STK32B: variants seen among roughly 807,000 people sequenced by gnomAD.
STK32B encodes serine/threonine-protein kinase 32B.
In STK32B, 43 loss-of-function variants were observed where a neutral mutation model predicts 52.6. The observed-to-expected ratio is 0.82, with a 90% CI of 0.64 to 1.05. The LOEUF is 1.05. Ranked by LOEUF, STK32B falls within the 50% of genes least tolerant of loss-of-function variation. STK32B has a pLI of 0.00. For synonymous variants in STK32B, 238 were observed against 204.3 expected, an observed-to-expected ratio of 1.17 and a Z score of -1.41; for missense variants, 621 against 534.6, an observed-to-expected ratio of 1.16 and a Z score of -1.59.
At chr4:5,199,569 G>C (rs965421671) in intron 3 of STK32B, among the ~76,000 whole-genome samples, 1 of 151,150 alleles carries the variant, frequency 6.6e-6, no homozygotes, top group African/African-American at 2.4e-5. Context: ...TGTATTCTAT[G>C]TCTTTAAATT....
At chr4:5,065,213 G>T (rs1742371357) in intron 1 of STK32B, among the ~76,000 whole-genome samples, 2 of 152,164 alleles carry the variant, frequency 1.3e-5, no homozygotes, top group African/African-American at 4.8e-5. Flanking sequence ...GTAATTCCAA[G>T]AACTGTCAAC....
At chr4:5,161,231 A>T (rs573719577) in intron 2 of STK32B, among the ~76,000 whole-genome samples, 11 of 152,324 alleles carry the variant, frequency 7.2e-5, no homozygotes, top group African/African-American at 2.6e-4. Context: ...GATCCCTCCA[A>T]TGAGACCACC....
intron 2 of STK32B, among the ~76,000 whole-genome samples, chr4:5,165,745 A>G (rs572987855): frequency 6.6e-6 from 1 of 152,288 alleles, no homozygotes; most frequent in South Asian, 2.1e-4. Context: ...TTTGCACGTC[A>G]TACCTTTGCC....
intron 3 of STK32B, among the ~76,000 whole-genome samples, chr4:5,275,612 C>T (rs187124223): frequency 1.3e-5 from 2 of 152,026 alleles, no homozygotes; most frequent in East Asian, 1.9e-4. Flanking sequence ...GATGTTGTCT[C>T]GGTGATTGCC....
chr4:5,467,945 A>C lies in STK32B; in HGVS notation c.1042-61A>C. The C allele has an allele frequency of 6.3e-7, 1 of 1,589,700 alleles. No individual in the cohort carries two copies. Among genetic ancestry groups the C allele is most frequent in the South Asian group, 1.1e-5 (1 of 90,532 alleles). ...TCAGTCTGCCGTCCTGTGATGCTCC[A>C]TTACCGCGCGTCCCCGGACCGTGCT... On this transcript the variant is annotated intron_variant, in intron 10 of 11. Coordinates refer to ENST00000282908, the MANE Select transcript of STK32B (RefSeq NM_018401.3). The surrounding 1 kb of genome is among the most constrained non-coding windows in gnomAD (Gnocchi z 5.8).
Position 5,331,241 on chromosome 4 carries a change from G to A in STK32B, c.282G>A (p.Glu94=), listed in dbSNP as rs1398317635. 6.2e-7 allele frequency: 1 copy of A among 1,613,300 alleles called. No homozygotes were observed. The highest frequency in any genetic ancestry group is 8.5e-7 in the Non-Finnish European group (1 of 1,179,576). ...CTAGGTACTCCTTCCAGGATGAGGA[G>A]GACATGTTCATGGTGGTGGACCTGC... is the stretch of plus-strand genomic sequence containing the variant. The part of the protein sequence containing the change: ...VNLWYSFQDE[E]DMFMVVDLLL... The change falls in exon 4 of 12, where the codon GAG becomes GAA. Residue 94 remains glutamate, a synonymous_variant. Coordinates refer to ENST00000282908, the MANE Select transcript of STK32B (RefSeq NM_018401.3).
intron 3 of STK32B, among the ~76,000 whole-genome samples, chr4:5,310,151 G>A (rs965294889): frequency 3.3e-5 from 5 of 152,082 alleles, no homozygotes; most frequent in African/African-American, 9.7e-5. Flanking sequence ...GGGAAACAGA[G>A]CAAGACTCCA....
chr4:5,181,346 A>ACACACT (rs1405621746), intron 3 of STK32B, among the ~76,000 whole-genome samples: 1 of 142,978 alleles, frequency 7.0e-6, no homozygotes, highest in East Asian at 2.2e-4. Flanking sequence ...ACACACACAC[A>ACACACT]CACACACACA....
At chr4:5,264,640 A>T (rs979476528) in intron 3 of STK32B, among the ~76,000 whole-genome samples, 91 of 146,798 alleles carry the variant, frequency 6.2e-4, no homozygotes, top group African/African-American at 2.3e-3. Context: ...AAAAAAAAAT[A>T]GCCGGGCATG....
At chr4:5,373,975 C>T (rs555219471) in intron 4 of STK32B, among the ~76,000 whole-genome samples, 7 of 152,176 alleles carry the variant, frequency 4.6e-5, no homozygotes, top group South Asian at 4.2e-4. Flanking sequence ...GGATCTTTGC[C>T]GGTAAGAATA....
At chr4:5,462,448 G>A (rs1178693893) in intron 9 of STK32B, among the ~76,000 whole-genome samples, 1 of 152,078 alleles carries the variant, frequency 6.6e-6, no homozygotes, top group South Asian at 2.1e-4. Context: ...GGCCGGCAGG[G>A]GCAGCTGCGG....
chr4:5,037,333 C>G, the STK32B span, among the ~76,000 whole-genome samples: 1 of 152,148 alleles, frequency 6.6e-6, no homozygotes, highest in African/African-American at 2.4e-5. Flanking sequence ...TTATTAAGCC[C>G]CTGGTAGGCG....
intron 11 of STK32B, among the ~76,000 whole-genome samples, chr4:5,483,966 T>C (rs1395522970): frequency 6.6e-6 from 1 of 152,214 alleles, no homozygotes; most frequent in Non-Finnish European, 1.5e-5. Context: ...TTTGTTATAA[T>C]TTCTGTTCTT....
intron 1 of STK32B, among the ~76,000 whole-genome samples, chr4:5,055,213 C>T (rs1280619074): frequency 6.6e-6 from 1 of 152,040 alleles, no homozygotes. Flanking sequence ...TCTCAGCCTC[C>T]CAAGTAGCTG....
chr4:5,311,752 A>T (rs991684408), intron 3 of STK32B, among the ~76,000 whole-genome samples: 1 of 152,144 alleles, frequency 6.6e-6, no homozygotes, highest in Non-Finnish European at 1.5e-5. Context: ...GAACACTCCT[A>T]TATCTGTTAA....
chr4:5,301,141 G>T (rs1729525537), intron 3 of STK32B, among the ~76,000 whole-genome samples: 2 of 152,050 alleles, frequency 1.3e-5, no homozygotes, highest in South Asian at 4.1e-4. Flanking sequence ...ACTTGCTCAT[G>T]ATGTATAATG....
At chr4:5,297,655 CT>C in intron 3 of STK32B, among the ~76,000 whole-genome samples, 1 of 135,956 alleles carries the variant, frequency 7.4e-6, no homozygotes, top group Non-Finnish European at 1.6e-5. Context: ...TTTTTTTTAA[CT>C]GGTTATTCTA....
intron 7 of STK32B, among the ~76,000 whole-genome samples, chr4:5,448,317 G>T (rs1233579253): frequency 1.3e-5 from 2 of 152,232 alleles, no homozygotes; most frequent in Non-Finnish European, 2.9e-5. Context: ...ACAGGTGCCT[G>T]TGTGGTGTTC....
At chr4:5,076,818 T>C (rs531866802) in intron 1 of STK32B, among the ~76,000 whole-genome samples, 123 of 152,318 alleles carry the variant, frequency 8.1e-4, no homozygotes, top group African/African-American at 2.9e-3. Context: ...ACTGATATCA[T>C]AGGATCCTTG....
Sources: allele counts gnomAD v4.1 joint callset (sites outside exome capture counted in the v4.1 genomes callset), GRCh38; gene constraint gnomAD v4.1.1; non-coding constraint Gnocchi (gnomAD v3.1); transcripts MANE v1.5; gene names NCBI Gene and HGNC (gene_info 2026-07-23, HGNC 2026-07-21).